The following ZMAT4 variants were observed in gnomAD, a reference collection of about 807,000 sequenced individuals.
ZMAT4 encodes zinc finger matrin-type protein 4.
ZMAT4 carries 17 observed loss-of-function variants against 28.7 expected under a neutral mutation model. The observed-to-expected ratio is 0.59, with a 90% CI of 0.41 to 0.89. The LOEUF (loss-of-function observed/expected upper bound fraction) is 0.89. Ranked by LOEUF, ZMAT4 falls within the 40% of genes least tolerant of loss-of-function variation. ZMAT4 has a pLI of 0.00. For synonymous variants in ZMAT4, 117 were observed against 109.2 expected (o/e 1.07, Z -0.44); for missense variants, 240 against 283.8 (o/e 0.85, Z 1.11).
chr8:40,637,372 A>G (rs1371396758), intron 5 of ZMAT4, among the ~76,000 whole-genome samples: 1 of 152,186 alleles, frequency 6.6e-6, no homozygotes, highest in African/African-American at 2.4e-5. Context: ...GCTGACTCAA[A>G]CTTGAAGAGG....
At chr8:40,649,331 C>A (rs373381315) in intron 5 of ZMAT4, among the ~76,000 whole-genome samples, 22 of 152,112 alleles carry the variant, frequency 1.4e-4, no homozygotes, top group East Asian at 3.9e-4. Context: ...ACAAAGAAGG[C>A]CATTACATAA....
chr8:40,683,232 G>A (rs79560598), intron 4 of ZMAT4, among the ~76,000 whole-genome samples: 3,142 of 152,238 alleles, frequency 0.021, 110 homozygotes, highest in East Asian at 0.18. Context: ...CAGGTATAAC[G>A]ATGAATGCCG....
intron 5 of ZMAT4, among the ~76,000 whole-genome samples, chr8:40,617,831 C>CTGAATATGCTCTCTGCTGA (rs1806064209): frequency 6.6e-6 from 1 of 152,168 alleles, no homozygotes; most frequent in African/African-American, 2.4e-5. Flanking sequence ...CAGAAACAAA[C>CTGAATATGCTCTCTGCTGA]GGTTTACTGA....
At chr8:40,894,228 T>G (rs1196025112) in intron 1 of ZMAT4, among the ~76,000 whole-genome samples, 2 of 152,230 alleles carry the variant, frequency 1.3e-5, no homozygotes, top group Admixed American at 1.3e-4. Flanking sequence ...CCTGTCTGCC[T>G]CATGCAGGTC....
chr8:40,701,179 A>C (rs946987125), intron 3 of ZMAT4, among the ~76,000 whole-genome samples: 1 of 152,232 alleles, frequency 6.6e-6, no homozygotes, highest in South Asian at 2.1e-4. Context: ...TGGTAGTTTT[A>C]ATATATATTC....
At chr8:40,664,930 T>C (rs760595717) in intron 5 of ZMAT4, among the ~76,000 whole-genome samples, 1 of 152,224 alleles carries the variant, frequency 6.6e-6, no homozygotes, top group Admixed American at 6.5e-5. Context: ...CACATTGACA[T>C]GACTAAGATG....
At chr8:40,543,948 C>T (rs1170839933) in intron 6 of ZMAT4, among the ~76,000 whole-genome samples, 10 of 152,104 alleles carry the variant, frequency 6.6e-5, no homozygotes, top group Non-Finnish European at 5.9e-5. Flanking sequence ...CTACTGGAAA[C>T]AAGACATGTC....
intron 1 of ZMAT4, among the ~76,000 whole-genome samples, chr8:40,856,651 C>T (rs1817308550): frequency 6.6e-6 from 1 of 152,086 alleles, no homozygotes; most frequent in African/African-American, 2.4e-5. Flanking sequence ...AATCCTGGAG[C>T]ATGTTGTCAT....
intron 3 of ZMAT4, among the ~76,000 whole-genome samples, chr8:40,699,102 C>G (rs988486767): frequency 2.0e-5 from 3 of 152,090 alleles, no homozygotes; most frequent in Non-Finnish European, 4.4e-5. Flanking sequence ...GGCTTCCTGG[C>G]TCCCCTGAGC....
chr8:40,759,601 G>A (rs756230536), intron 3 of ZMAT4, among the ~76,000 whole-genome samples: 9 of 152,164 alleles, frequency 5.9e-5, no homozygotes, highest in Non-Finnish European at 1.0e-4. Flanking sequence ...CCCCAGAACT[G>A]TGAGAATTAC....
chr8:40,857,133 T>A (rs1445047541), intron 1 of ZMAT4, among the ~76,000 whole-genome samples: 1 of 152,140 alleles, frequency 6.6e-6, no homozygotes, highest in Non-Finnish European at 1.5e-5. Flanking sequence ...AAGAGACCAC[T>A]GCCTAGTTCA....
intron 5 of ZMAT4, among the ~76,000 whole-genome samples, chr8:40,623,471 T>C (rs1210102499): frequency 6.6e-6 from 1 of 152,222 alleles, no homozygotes; most frequent in Non-Finnish European, 1.5e-5. Context: ...ATATTCAGTT[T>C]TACTGATATC....
At chr8:40,642,474 C>G (rs145976279) in intron 5 of ZMAT4, among the ~76,000 whole-genome samples, 1 of 152,286 alleles carries the variant, frequency 6.6e-6, no homozygotes, top group East Asian at 1.9e-4. Flanking sequence ...TACTTCAGAC[C>G]ATTTGGCTGT....
At chr8:40,805,088 A>C in intron 2 of ZMAT4, among the ~76,000 whole-genome samples, 1 of 151,902 alleles carries the variant, frequency 6.6e-6, no homozygotes, top group Non-Finnish European at 1.5e-5. Context: ...CAATGAACTC[A>C]AACAAATTTA....
chr8:40,540,271 C>A (rs1802988997), intron 6 of ZMAT4, among the ~76,000 whole-genome samples: 1 of 152,168 alleles, frequency 6.6e-6, no homozygotes, highest in Non-Finnish European at 1.5e-5. Flanking sequence ...AAGCTGCGGG[C>A]AGGAAGTGCA....
intron 6 of ZMAT4, among the ~76,000 whole-genome samples, chr8:40,576,046 C>A (rs541717008): frequency 1.9e-3 from 283 of 151,678 alleles, no homozygotes; most frequent in African/African-American, 6.4e-3. Flanking sequence ...CATAAAAAAA[C>A]CAGACTAGCT....
At chr8:40,802,040 T>G (rs545930965) in intron 2 of ZMAT4, among the ~76,000 whole-genome samples, 34 of 152,214 alleles carry the variant, frequency 2.2e-4, no homozygotes, top group Non-Finnish European at 4.3e-4. Flanking sequence ...ATTCATGTTA[T>G]GAACTTTCAG....
At chr8:40,893,873 G>C (rs187280731) in intron 1 of ZMAT4, among the ~76,000 whole-genome samples, 34 of 152,192 alleles carry the variant, frequency 2.2e-4, no homozygotes, top group Non-Finnish European at 4.4e-4. Context: ...ATGTCCATGT[G>C]TACTCAATGC....
At chr8:40,731,492 T>C (rs1811541238) in intron 3 of ZMAT4, among the ~76,000 whole-genome samples, 1 of 152,074 alleles carries the variant, frequency 6.6e-6, no homozygotes, top group Non-Finnish European at 1.5e-5. Flanking sequence ...AAGAATCATT[T>C]CCAGAGTTAC....
Sources: allele counts gnomAD v4.1 joint callset (sites outside exome capture counted in the v4.1 genomes callset), GRCh38; gene constraint gnomAD v4.1.1; transcripts MANE v1.5; gene names NCBI Gene and HGNC (gene_info 2026-07-23, HGNC 2026-07-21).